The following ARNT2 variants were observed in gnomAD, a reference collection of about 807,000 sequenced individuals.
The protein encoded by ARNT2 is aryl hydrocarbon receptor nuclear translocator 2, also known as ARNT protein 2.
ARNT2 carries 36 observed loss-of-function variants against 91.7 expected under a neutral mutation model. That is an observed-to-expected ratio of 0.39 (90% confidence interval 0.30 to 0.52). The LOEUF (loss-of-function observed/expected upper bound fraction) is 0.52, where lower values mean the gene tolerates loss of function less well. Among genes scored for constraint, ARNT2 ranks in the 20% least tolerant of loss-of-function variants. ARNT2 has a pLI of 0.72. For missense variants in ARNT2, 775 were observed against 939.3 expected (o/e 0.83, Z 2.29); for synonymous variants, 365 against 347.1 (o/e 1.05, Z -0.57).
At chr15:80,427,247 T>C (rs901772546) in intron 1 of ARNT2, among the ~76,000 whole-genome samples, 3 of 152,126 alleles carry the variant, frequency 2.0e-5, no homozygotes, top group Non-Finnish European at 4.4e-5. Flanking sequence ...GCTGGGGCTG[T>C]GTGAGTGGGG....
intron 8 of ARNT2, 24 bp downstream of exon 8, chr15:80,514,429 C>T: frequency 6.2e-7 from 1 of 1,607,242 alleles, no homozygotes; most frequent in East Asian, 2.2e-5. Flanking sequence ...CATGTAAATT[C>T]CACGGGAACT....
At position 80,470,396 on chromosome 15, in the gene ARNT2, G is replaced by A. The variant is rs765287094; in HGVS notation, c.373G>A (p.Asp125Asn). ...GAGGGGTACAGGGAACAAGTCCACC[G>A]ATGGCGCGTACAAGCCTTCCTTCCT... ...SMRGTGNKST[D>N]GAYKPSFLTE... is the part of the protein sequence containing the mutation. The change falls in exon 4 of 19, where the codon GAT (aspartate) becomes AAT (asparagine). Residue 125 changes from aspartate (D) to asparagine (N), a missense_variant. Asp to Asn is a conservative substitution (Grantham distance 23). This residue lies in a region of ARNT2 where 83 missense variants were observed against 149.4 expected (regional missense o/e 0.56). Coordinates refer to ENST00000303329, the MANE Select transcript of ARNT2 (RefSeq NM_014862.4). 20 of 1,614,066 alleles carry A rather than the reference G, an allele frequency of 1.2e-5. No individual in the cohort carries two copies. Among genetic ancestry groups the A allele is most frequent in the Non-Finnish European group, 1.4e-5 (16 of 1,180,052 alleles).
intron 15 of ARNT2, among the ~76,000 whole-genome samples, chr15:80,579,405 T>G (rs965346345): frequency 1.3e-5 from 2 of 152,316 alleles, no homozygotes; most frequent in East Asian, 1.9e-4. Flanking sequence ...TCTGACATTC[T>G]TGGTTTCTCC....
chr15:80,564,420 G>T (rs1035520108), intron 12 of ARNT2, among the ~76,000 whole-genome samples: 1 of 151,996 alleles, frequency 6.6e-6, no homozygotes, highest in Admixed American at 6.6e-5. Context: ...TTCTTTCCAG[G>T]CAACACCACC....
chr15:80,457,762 G>C (rs1171133595), intron 2 of ARNT2, among the ~76,000 whole-genome samples, 167 bp from the exon 3 acceptor site: 4 of 152,190 alleles, frequency 2.6e-5, no homozygotes, highest in Non-Finnish European at 5.9e-5. Flanking sequence ...TTCTTGTCTT[G>C]AACCCGTTTG....
intron 8 of ARNT2, among the ~76,000 whole-genome samples, chr15:80,539,039 A>G (rs536592549): frequency 7.0e-4 from 107 of 152,080 alleles, no homozygotes; most frequent in Non-Finnish European, 1.0e-3. Context: ...TATTTTTTTA[A>G]TGAGAAAAGA....
intron 17 of ARNT2, among the ~76,000 whole-genome samples, chr15:80,587,345 T>G (rs1893191728): frequency 1.3e-5 from 2 of 151,882 alleles, no homozygotes; most frequent in Non-Finnish European, 2.9e-5. Flanking sequence ...CTACTAGGAT[T>G]TCTCTGTTTA....
chr15:80,540,510 T>G (rs1897888570), intron 8 of ARNT2, among the ~76,000 whole-genome samples: 1 of 152,226 alleles, frequency 6.6e-6, no homozygotes, highest in South Asian at 2.1e-4. Context: ...ATTTCAATTT[T>G]TATTTTAGAT....
intron 10 of ARNT2, 165 bp from the exon 11 acceptor site, chr15:80,554,900 C>A (rs568364950): frequency 1.3e-4 from 80 of 601,522 alleles, no homozygotes; most frequent in Non-Finnish European, 2.1e-4. Flanking sequence ...AGTTCTCTGA[C>A]GGCTCCCAGG....
intron 8 of ARNT2, among the ~76,000 whole-genome samples, chr15:80,529,294 G>T (rs1897697580): frequency 6.6e-6 from 1 of 152,106 alleles, no homozygotes; most frequent in African/African-American, 2.4e-5. Flanking sequence ...AGTTTTGGAG[G>T]GACGGGTAGT....
chr15:80,459,818 A>G (rs1313610248), intron 3 of ARNT2, among the ~76,000 whole-genome samples: 4 of 152,192 alleles, frequency 2.6e-5, no homozygotes, highest in Admixed American at 2.6e-4. Flanking sequence ...TGTTTCCAGC[A>G]TATGCTGTTA....
rs184490847 is a variant in ARNT2 at position 80,448,820 on chromosome 15, A to G, written c.32-2060A>G. On this transcript the variant is annotated intron_variant, in intron 1 of 18. Transcript: ENST00000303329. ...AACACGGTGAAACCCCATCTCTACT[A>G]AAAATACAAAAAAAATTAGCCGGGC... is the stretch of plus-strand genomic sequence containing the variant. Among the ~76,000 whole-genome samples the G allele has an allele frequency of 1.2e-3, 176 of 152,242 alleles. 1 individual carries two copies. Among genetic ancestry groups the G allele is most frequent in the African/African-American group, 4.0e-3 (166 of 41,538 alleles).
chr15:80,569,588 C>T (rs1354686376), intron 12 of ARNT2, among the ~76,000 whole-genome samples: 1 of 152,164 alleles, frequency 6.6e-6, no homozygotes, highest in African/African-American at 2.4e-5. Flanking sequence ...GCTGATGTTC[C>T]GACCACAGAG....
At chr15:80,446,520 C>T (rs1896307326) in intron 1 of ARNT2, among the ~76,000 whole-genome samples, 1 of 152,186 alleles carries the variant, frequency 6.6e-6, no homozygotes, top group East Asian at 1.9e-4. Context: ...AGGGAAGGAT[C>T]TGCCTAGCCA....
chr15:80,533,168 G>A (rs1207392269), intron 8 of ARNT2, among the ~76,000 whole-genome samples: 1 of 152,228 alleles, frequency 6.6e-6, no homozygotes. Context: ...GCCCACAAGA[G>A]GTAGACAGCC....
chr15:80,507,985 C>T (rs185023468), intron 5 of ARNT2, among the ~76,000 whole-genome samples, 171 bp from the exon 6 acceptor site: 59 of 152,306 alleles, frequency 3.9e-4, no homozygotes, highest in African/African-American at 1.3e-3. Context: ...GATTTCATCA[C>T]TATGTGAGTT....
chr15:80,451,598 GT>G (rs1278913244), intron 2 of ARNT2, among the ~76,000 whole-genome samples: 1 of 152,152 alleles, frequency 6.6e-6, no homozygotes, highest in Non-Finnish European at 1.5e-5. Context: ...GATCCATAAT[GT>G]TTGTGGCTGT....
rs1464664373 is a variant in ARNT2, at chr15:80,597,261, G to A, written c.*3563G>A. On this transcript the variant is annotated 3_prime_UTR_variant, in exon 19 of 19. Transcript: ENST00000303329. The stretch of plus-strand genomic sequence containing the variant: ...CAGCCCATAAGCTATGCGAGAATGT[G>A]AACGCTCACCTTGCTCCGTCACGGT... 5.8e-6 allele frequency: 3 copies of A among 518,238 alleles called. No individual in the cohort carries two copies. Among genetic ancestry groups the A allele is most frequent in the South Asian group, 2.8e-5 (2 of 71,428 alleles). 32.1% of individuals were successfully genotyped at this position (518,238 alleles called of 1,614,324 possible). A position where few individuals can be genotyped will look rare whatever the true frequency, so the allele number is the denominator to read the frequency against.
At chr15:80,531,675 C>G (rs1166332686) in intron 8 of ARNT2, among the ~76,000 whole-genome samples, 2 of 152,174 alleles carry the variant, frequency 1.3e-5, no homozygotes, top group East Asian at 1.9e-4. Flanking sequence ...CCCCACTAAC[C>G]GGTAAAATCC....
Sources: allele counts gnomAD v4.1 joint callset (sites outside exome capture counted in the v4.1 genomes callset), GRCh38; gene constraint gnomAD v4.1.1; regional missense constraint gnomAD v4.1.1; transcripts MANE v1.5; gene names NCBI Gene and HGNC (gene_info 2026-07-23, HGNC 2026-07-21).